The following SLC16A12 variants were observed in gnomAD, a reference collection of about 807,000 sequenced individuals.
SLC16A12 encodes solute carrier family 16 member 12, also known as monocarboxylate transporter 12.
Under a neutral mutation model 42.4 loss-of-function variants are expected in SLC16A12, and 17 were observed. The ratio of observed to expected loss-of-function variants is 0.40; its 90% CI spans 0.27 to 0.60. The LOEUF (loss-of-function observed/expected upper bound fraction) is 0.60. SLC16A12 is among the 20% of genes least tolerant of loss of function. SLC16A12 has a pLI of 0.42. For synonymous variants in SLC16A12, 224 were observed against 229.4 expected (o/e 0.98, Z 0.21); for missense variants, 544 against 623.0 (o/e 0.87, Z 1.35).
chr10:89,529,765 C>T (rs531955852), intron 2 of SLC16A12, among the ~76,000 whole-genome samples: 77 of 152,250 alleles, frequency 5.1e-4, no homozygotes, highest in African/African-American at 1.6e-3. Context: ...CCACGCTAGT[C>T]TCGAACTCCT....
At chr10:89,450,914 T>C (rs1842085663) in intron 3 of SLC16A12, among the ~76,000 whole-genome samples, 1 of 152,162 alleles carries the variant, frequency 6.6e-6, no homozygotes, top group African/African-American at 2.4e-5. Context: ...TGTGTATATA[T>C]GTGTGTGTAT....
chr10:89,452,806 T>C (rs1842115815), intron 3 of SLC16A12, among the ~76,000 whole-genome samples: 1 of 152,212 alleles, frequency 6.6e-6, no homozygotes, highest in African/African-American at 2.4e-5. Context: ...GCCTAACAAA[T>C]TCTCAGTCAA....
intron 2 of SLC16A12, among the ~76,000 whole-genome samples, chr10:89,527,855 T>G (rs1843481710): frequency 6.6e-6 from 1 of 151,372 alleles, no homozygotes; most frequent in Admixed American, 6.6e-5. Context: ...AGGTGAATTC[T>G]AAGTAGGAGT....
intron 2 of SLC16A12, among the ~76,000 whole-genome samples, chr10:89,518,816 T>C (rs12570001): frequency 0.47 from 71,260 of 151,950 alleles, 17,282 homozygotes; most frequent in South Asian, 0.68. Context: ...TGGTCACTGC[T>C]GGTGGACCCT....
intron 3 of SLC16A12, among the ~76,000 whole-genome samples, chr10:89,446,115 C>A (rs188545344): frequency 3.1e-4 from 47 of 152,180 alleles, no homozygotes; most frequent in African/African-American, 9.4e-4. Flanking sequence ...TGTGAAAAGA[C>A]CAAATCTACA....
At chr10:89,539,277 G>C (rs1443088404), upstream of SLC16A12, among the ~76,000 whole-genome samples, 2 of 152,284 alleles carry the variant, frequency 1.3e-5, no homozygotes, top group East Asian at 3.9e-4. Context: ...GATGTGGTCA[G>C]CTGATCTGGT....
At chr10:89,492,965 A>G (rs902288527) in intron 2 of SLC16A12, among the ~76,000 whole-genome samples, 5 of 152,246 alleles carry the variant, frequency 3.3e-5, no homozygotes, top group African/African-American at 1.2e-4. Flanking sequence ...ACCAGGCTAG[A>G]CCCATAAGAG....
At chr10:89,466,379 A>G (rs1046623809) in intron 2 of SLC16A12, among the ~76,000 whole-genome samples, 3 of 152,184 alleles carry the variant, frequency 2.0e-5, no homozygotes, top group African/African-American at 7.2e-5. Flanking sequence ...CATGAGGCTC[A>G]CATCCTAGTG....
In SLC16A12 at chr10:89,517,595, G is replaced by A. The variant is rs1347683845; in HGVS notation, c.-47+16906C>T. ...CAAACCCCTGGGGTTTCAAGCATGAGCCATTGCACCTGGCTCCAACTTTAT... is the reference window on the plus strand; with the variant it reads ...CAAACCCCTGGGGTTTCAAGCATGAACCATTGCACCTGGCTCCAACTTTAT... On this transcript the variant is annotated intron_variant, in intron 2 of 7. Coordinates refer to ENST00000371790, the MANE Select transcript of SLC16A12 (RefSeq NM_213606.4). Among the ~76,000 whole-genome samples, 5 of 152,102 alleles carry A rather than the reference G, an allele frequency of 3.3e-5. No homozygotes were observed. In the East Asian group the frequency reaches 7.7e-4, roughly 23 times the overall value.
intron 2 of SLC16A12, among the ~76,000 whole-genome samples, chr10:89,493,717 AT>A (rs1456434262): frequency 6.6e-6 from 1 of 152,206 alleles, no homozygotes; most frequent in Non-Finnish European, 1.5e-5. Context: ...CCCTTTCCAT[AT>A]AGTTATACTA....
chr10:89,518,130 A>G (rs1303397640), intron 2 of SLC16A12, among the ~76,000 whole-genome samples: 1 of 152,180 alleles, frequency 6.6e-6, no homozygotes, highest in Non-Finnish European at 1.5e-5. Flanking sequence ...CACAGGAAAA[A>G]CAGAGATAAA....
chr10:89,458,488 T>A (rs148790126), intron 3 of SLC16A12, among the ~76,000 whole-genome samples: 41 of 152,314 alleles, frequency 2.7e-4, no homozygotes, highest in African/African-American at 9.4e-4. Flanking sequence ...GTTATCCAAT[T>A]GAAAGATTTG....
At chr10:89,472,811 T>G (rs1034909179) in intron 2 of SLC16A12, among the ~76,000 whole-genome samples, 1 of 151,796 alleles carries the variant, frequency 6.6e-6, no homozygotes, top group Non-Finnish European at 1.5e-5. Context: ...TTCTTTTAAA[T>G]TTTTTTCTTT....
intron 2 of SLC16A12, among the ~76,000 whole-genome samples, chr10:89,551,895 A>G (rs1843773117): frequency 6.6e-6 from 1 of 152,160 alleles, no homozygotes; most frequent in South Asian, 2.1e-4. Context: ...TACAAAAGCT[A>G]AAAGGTTGTT....
At chr10:89,449,097 G>A (rs1453683174) in intron 3 of SLC16A12, among the ~76,000 whole-genome samples, 2 of 152,116 alleles carry the variant, frequency 1.3e-5, no homozygotes, top group Admixed American at 6.5e-5. Flanking sequence ...ACTGCTCAAC[G>A]AAATAAAAGA....
rs770274570 is a variant in SLC16A12, at chr10:89,487,995, T to TATATATATATATAC, written c.-46-25372_-46-25371insGTATATATATATAT. Among the ~76,000 whole-genome samples, 46 of 122,966 alleles carry TATATATATATATAC rather than the reference T, an allele frequency of 3.7e-4. 1 individual carries two copies. The East Asian group carries it at 6.6e-3, about 18-fold the overall frequency. 80.7% of individuals were successfully genotyped at this position (122,966 alleles called of 152,430 possible). A position where few individuals can be genotyped will look rare whatever the true frequency, so the allele number is the denominator to read the frequency against. ...ATATATATATATATATATATATATA[T>TATATATATATATAC]ACACACACACATTTATTATACCATA... On this transcript the variant is annotated intron_variant, in intron 2 of 7. Coordinates refer to ENST00000371790, the MANE Select transcript of SLC16A12 (RefSeq NM_213606.4).
At chr10:89,499,381 C>T (rs1229934792) in intron 2 of SLC16A12, among the ~76,000 whole-genome samples, 1 of 152,118 alleles carries the variant, frequency 6.6e-6, no homozygotes, top group Non-Finnish European at 1.5e-5. Context: ...ATGGAGAACG[C>T]TCGTCTCTAC....
At chr10:89,536,872 C>T (rs1387429562), upstream of SLC16A12, among the ~76,000 whole-genome samples, 1 of 152,182 alleles carries the variant, frequency 6.6e-6, no homozygotes, top group Non-Finnish European at 1.5e-5. Context: ...CAGTCTCGCT[C>T]TGTCGCCCAG....
chr10:89,448,745 C>T (rs574825222), intron 3 of SLC16A12, among the ~76,000 whole-genome samples: 5 of 152,164 alleles, frequency 3.3e-5, no homozygotes, highest in African/African-American at 7.2e-5. Context: ...TAGTGTTGGA[C>T]GTTCTGGCCA....
Sources: allele counts gnomAD v4.1 joint callset (sites outside exome capture counted in the v4.1 genomes callset), GRCh38; gene constraint gnomAD v4.1.1; transcripts MANE v1.5; gene names NCBI Gene and HGNC (gene_info 2026-07-23, HGNC 2026-07-21).